PEX5L: variants seen among roughly 807,000 people sequenced by gnomAD.
PEX5L encodes the protein peroxisomal biogenesis factor 5 like.
In PEX5L, 30 loss-of-function variants were observed where a neutral mutation model predicts 84.0. The observed-to-expected ratio is 0.36, with a 90% CI of 0.27 to 0.48. The LOEUF (loss-of-function observed/expected upper bound fraction) is 0.48, where lower values mean the gene tolerates loss of function less well. PEX5L is among the 20% of genes least tolerant of loss of function. The pLI is 0.99. For synonymous variants in PEX5L, 270 were observed against 283.1 expected (o/e 0.95, Z 0.46); for missense variants, 533 against 754.6 (o/e 0.71, Z 3.44).
intron 7 of PEX5L, among the ~76,000 whole-genome samples, chr3:179,869,317 G>A (rs1749472857): frequency 6.6e-6 from 1 of 152,104 alleles, no homozygotes; most frequent in African/African-American, 2.4e-5. Flanking sequence ...GTGGAGAAGG[G>A]TAATTTTATG....
chr3:179,919,114 A>C (rs1004712449), intron 2 of PEX5L, among the ~76,000 whole-genome samples: 2 of 152,176 alleles, frequency 1.3e-5, no homozygotes, highest in African/African-American at 4.8e-5. Flanking sequence ...TACATCAGTT[A>C]TCAGTAAAGT....
At chr3:179,804,717 A>G (rs975454726) in intron 14 of PEX5L, among the ~76,000 whole-genome samples, 1 of 152,176 alleles carries the variant, frequency 6.6e-6, no homozygotes, top group African/African-American at 2.4e-5. Context: ...AAGTACTTAA[A>G]CCAGCTCCTC....
At chr3:180,016,229 G>C (rs987610211) in intron 1 of PEX5L, among the ~76,000 whole-genome samples, 4 of 152,124 alleles carry the variant, frequency 2.6e-5, no homozygotes, top group Non-Finnish European at 5.9e-5. Context: ...GGGGAAGGAT[G>C]ACTTTGATCA....
At chr3:179,936,041 T>G (rs1774486184) in intron 2 of PEX5L, among the ~76,000 whole-genome samples, 1 of 152,146 alleles carries the variant, frequency 6.6e-6, no homozygotes, top group African/African-American at 2.4e-5. Context: ...AACTCTCTTT[T>G]CTTTATAAAT....
intron 7 of PEX5L, among the ~76,000 whole-genome samples, chr3:179,872,452 T>C (rs1750706662): frequency 6.6e-6 from 1 of 152,232 alleles, no homozygotes; most frequent in South Asian, 2.1e-4. Flanking sequence ...AAAGGATTCA[T>C]TAAGATTTGT....
intron 2 of PEX5L, among the ~76,000 whole-genome samples, chr3:179,946,880 G>C (rs1390705057): frequency 1.3e-5 from 2 of 152,236 alleles, no homozygotes; most frequent in Non-Finnish European, 2.9e-5. Context: ...GTGTCAAATA[G>C]AGCTGCACTA....
At chr3:180,006,983 A>T (rs1005393165) in intron 1 of PEX5L, among the ~76,000 whole-genome samples, 1 of 152,140 alleles carries the variant, frequency 6.6e-6, no homozygotes, top group African/African-American at 2.4e-5. Flanking sequence ...ATCAGATCAA[A>T]TCAATCATGC....
At chr3:179,817,199 T>G (rs746377928) in intron 9 of PEX5L, among the ~76,000 whole-genome samples, 1 of 151,996 alleles carries the variant, frequency 6.6e-6, no homozygotes, top group Non-Finnish European at 1.5e-5. Flanking sequence ...TGTTTTAAAG[T>G]TAAAGATTTT....
At chr3:180,008,431 G>A (rs1431920525) in intron 1 of PEX5L, among the ~76,000 whole-genome samples, 2 of 152,130 alleles carry the variant, frequency 1.3e-5, no homozygotes, top group African/African-American at 4.8e-5. Context: ...GTCTTCTTCT[G>A]AGCCCTCCAA....
chr3:180,002,129 C>T (rs1233644783), intron 1 of PEX5L, among the ~76,000 whole-genome samples: 1 of 152,120 alleles, frequency 6.6e-6, no homozygotes, highest in African/African-American at 2.4e-5. Context: ...AACTTCTCAA[C>T]TTTTTAAAAA....
At chr3:179,819,301 T>C (rs549834890) in intron 9 of PEX5L, among the ~76,000 whole-genome samples, 1 of 152,338 alleles carries the variant, frequency 6.6e-6, no homozygotes, top group African/African-American at 2.4e-5. Flanking sequence ...GGTTGTTCAC[T>C]GTACTTGTGC....
chr3:179,797,599 AAAAAAAATATAT>A lies in PEX5L; in HGVS notation c.*4217_*4228del, dbSNP rs1401435051. On this transcript the variant is annotated 3_prime_UTR_variant, in exon 15 of 15. Coordinates refer to ENST00000467460, the MANE Select transcript of PEX5L (RefSeq NM_016559.3). ...TCTATGAACACTCTTTAAAAAAAAA[AAAAAAAATATAT>A]ATATATATATATATATATATCTACT... The A allele has an allele frequency of 2.4e-4, 26 of 108,074 alleles. No homozygotes were observed. Among genetic ancestry groups the A allele is most frequent in the African/African-American group, 9.0e-4 (22 of 24,578 alleles). 6.7% of individuals were successfully genotyped at this position (108,074 alleles called of 1,614,324 possible).
chr3:179,816,075 C>A, intron 9 of PEX5L, 71 bp from the exon 10 acceptor site: 2 of 1,487,140 alleles, frequency 1.3e-6, no homozygotes, highest in South Asian at 2.4e-5. Context: ...AATAAGTTCT[C>A]ATTAAAAAGT....
intron 2 of PEX5L, among the ~76,000 whole-genome samples, chr3:179,956,753 C>T (rs750180850): frequency 8.5e-5 from 13 of 152,264 alleles, no homozygotes; most frequent in East Asian, 5.8e-4. Flanking sequence ...TGAGGTTTTA[C>T]GGAGCGACGC....
At chr3:179,878,300 T>C (rs1268479581) in intron 5 of PEX5L, among the ~76,000 whole-genome samples, 1 of 152,156 alleles carries the variant, frequency 6.6e-6, no homozygotes, top group Non-Finnish European at 1.5e-5. Context: ...TCTTTCTCAT[T>C]ATCCCCCTTG....
chr3:179,876,581 T>A (rs1434719168), intron 5 of PEX5L, among the ~76,000 whole-genome samples: 2 of 152,054 alleles, frequency 1.3e-5, no homozygotes, highest in Admixed American at 1.3e-4. Context: ...AAAAAATACA[T>A]AACAAATTGA....
intron 2 of PEX5L, among the ~76,000 whole-genome samples, chr3:179,926,345 A>C (rs1216783157): frequency 1.3e-5 from 2 of 152,066 alleles, no homozygotes; most frequent in African/African-American, 4.8e-5. Context: ...CTACTTTCTC[A>C]TTCATCCTGG....
intron 1 of PEX5L, among the ~76,000 whole-genome samples, chr3:180,033,011 C>T (rs1032415494): frequency 1.3e-5 from 2 of 152,154 alleles, no homozygotes; most frequent in East Asian, 1.9e-4. Flanking sequence ...TACAGTCTTA[C>T]CTTCAATTGG....
chr3:179,856,449 T>C (rs756983518), intron 8 of PEX5L, among the ~76,000 whole-genome samples: 1 of 152,214 alleles, frequency 6.6e-6, no homozygotes, highest in African/African-American at 2.4e-5. Context: ...TTCAATGAAA[T>C]TCTACAGATA....
Sources: allele counts gnomAD v4.1 joint callset (sites outside exome capture counted in the v4.1 genomes callset), GRCh38; gene constraint gnomAD v4.1.1; transcripts MANE v1.5; gene names NCBI Gene and HGNC (gene_info 2026-07-23, HGNC 2026-07-21).